Variants in ALK observed in about 807,000 individuals in gnomAD.
ALK encodes the protein ALK tyrosine kinase receptor.
In ALK, 74 loss-of-function variants were observed where a neutral mutation model predicts 163.1. The observed-to-expected ratio is 0.45, with a 90% CI of 0.38 to 0.55. The LOEUF (loss-of-function observed/expected upper bound fraction) is 0.55. ALK is among the 20% of genes least tolerant of loss of function. ALK has a pLI of 0.00. For synonymous variants in ALK, 960 were observed against 843.2 expected, an observed-to-expected ratio of 1.14 and a Z score of -2.40; for missense variants, 2,063 against 2,105.3, an observed-to-expected ratio of 0.98 and a Z score of 0.39.
chr2:29,778,418 T>C (rs1681238438), intron 1 of ALK, among the ~76,000 whole-genome samples: 1 of 152,180 alleles, frequency 6.6e-6, no homozygotes, highest in Admixed American at 6.5e-5. Flanking sequence ...TCGGTTCAAA[T>C]GCTAAATTTG....
intron 1 of ALK, chr2:29,891,061 T>C (rs1470894703): frequency 6.6e-6 from 1 of 152,204 alleles, no homozygotes; most frequent in Non-Finnish European, 1.5e-5. Flanking sequence ...CAAGGGGGTT[T>C]TGTGAGGATT....
At chr2:29,636,217 C>A (rs138033005) in intron 3 of ALK, among the ~76,000 whole-genome samples, 2 of 151,906 alleles carry the variant, frequency 1.3e-5, no homozygotes, top group Non-Finnish European at 1.5e-5. Flanking sequence ...CAGACACATA[C>A]AAATATGCCC....
At chr2:29,294,113 C>T (rs997966410) in intron 9 of ALK, among the ~76,000 whole-genome samples, 3 of 152,218 alleles carry the variant, frequency 2.0e-5, no homozygotes, top group Admixed American at 6.5e-5. Context: ...TACCGCCTAC[C>T]TCAGAGGTGG....
intron 1 of ALK, among the ~76,000 whole-genome samples, chr2:29,740,488 T>C (rs559906473): frequency 6.6e-6 from 1 of 152,272 alleles, no homozygotes; most frequent in South Asian, 2.1e-4. Flanking sequence ...TTTTGTTCTC[T>C]TATCTTTGGA....
intron 3 of ALK, among the ~76,000 whole-genome samples, chr2:29,672,796 G>C (rs972271740): frequency 1.7e-4 from 25 of 148,070 alleles, no homozygotes; most frequent in African/African-American, 5.0e-4. Context: ...CCCACCAACA[G>C]TGTAAAAGTG....
chr2:29,281,463 G>A (rs1293839674), intron 9 of ALK, among the ~76,000 whole-genome samples: 1 of 152,216 alleles, frequency 6.6e-6, no homozygotes, highest in Non-Finnish European at 1.5e-5. Context: ...CCAGTGCTTA[G>A]CAGCAGAGAT....
chr2:29,531,839 A>G lies in ALK; in HGVS notation c.1154+76T>C, dbSNP rs1048006097. On this transcript the variant is annotated intron_variant, in intron 4 of 28. Transcript: ENST00000389048. ...AATCATGAGTTTGTAAGTAGATGTCACAGACTCTGGAAATGTGTAACCAAA... is the reference window on the plus strand; with the variant it reads ...AATCATGAGTTTGTAAGTAGATGTCGCAGACTCTGGAAATGTGTAACCAAA... The G allele has an allele frequency of 8.8e-6, 13 of 1,470,552 alleles. No homozygotes were observed. The Admixed American group carries it at 1.8e-4, about 21-fold the overall frequency. The allele number at this position is 1,470,552 out of a possible 1,614,324, so 91.1% of individuals were successfully genotyped here. A position where few individuals can be genotyped will look rare whatever the true frequency, so the allele number is the denominator to read the frequency against.
At chr2:29,389,298 T>G (rs1462256487) in intron 4 of ALK, among the ~76,000 whole-genome samples, 1 of 152,142 alleles carries the variant, frequency 6.6e-6, no homozygotes, top group East Asian at 1.9e-4. Flanking sequence ...GAGGCCAAAG[T>G]GATGTCTCCA....
chr2:29,279,092 C>T (rs187344023), intron 9 of ALK, among the ~76,000 whole-genome samples: 1 of 152,264 alleles, frequency 6.6e-6, no homozygotes, highest in East Asian at 1.9e-4. Flanking sequence ...ATTAGATCTG[C>T]GAAGTCTCTC....
intron 26 of ALK, among the ~76,000 whole-genome samples, chr2:29,200,981 T>A (rs56283568): frequency 0.033 from 5,067 of 151,710 alleles, 124 homozygotes; most frequent in Non-Finnish European, 0.045. Context: ...AACATTTGAA[T>A]CGATGAAGAT....
At chr2:29,300,276 C>T (rs935524634) in intron 8 of ALK, among the ~76,000 whole-genome samples, 4 of 152,126 alleles carry the variant, frequency 2.6e-5, no homozygotes, top group East Asian at 3.9e-4. Context: ...TGGCCGGGCA[C>T]GGTGGCTCAC....
Position 29,705,091 on chromosome 2 carries a change from G to A in ALK, c.788-10077C>T, listed in dbSNP as rs555775981. ...AAATTAGCCAAGCGTGGTGGCTGGT[G>A]CCTGTAATCCCAGCTGCTCGGGAGG... On this transcript the variant is annotated intron_variant, in intron 2 of 28. Coordinates refer to ENST00000389048, the MANE Select transcript of ALK (RefSeq NM_004304.5). Among the ~76,000 whole-genome samples, 120 of 151,076 alleles carry A rather than the reference G, an allele frequency of 7.9e-4. 1 individual carries two copies. Among genetic ancestry groups the A allele is most frequent in the Non-Finnish European group, 5.9e-5 (4 of 67,702 alleles).
chr2:29,276,781 G>T (rs896936747), intron 9 of ALK, among the ~76,000 whole-genome samples: 16 of 152,294 alleles, frequency 1.1e-4, no homozygotes, highest in African/African-American at 3.9e-4. Context: ...GTCTAGAAAA[G>T]GTAAATCTGT....
intron 1 of ALK, among the ~76,000 whole-genome samples, chr2:29,896,548 T>C (rs1667275522): frequency 6.7e-6 from 1 of 150,022 alleles, no homozygotes; most frequent in Admixed American, 6.7e-5. Flanking sequence ...GACAGCCACC[T>C]GCAAATCAAG....
intron 3 of ALK, among the ~76,000 whole-genome samples, chr2:29,689,616 C>G (rs377004938): frequency 2.6e-5 from 4 of 152,156 alleles, no homozygotes; most frequent in African/African-American, 9.7e-5. Flanking sequence ...CCAACCCAGA[C>G]GCAGGGGGAG....
chr2:29,324,956 A>G (rs1667206551), intron 6 of ALK, among the ~76,000 whole-genome samples: 1 of 152,182 alleles, frequency 6.6e-6, no homozygotes. Flanking sequence ...ATCCTGGACA[A>G]CTGTTAGAAT....
intron 3 of ALK, among the ~76,000 whole-genome samples, chr2:29,593,959 T>C (rs1675132534): frequency 6.6e-6 from 1 of 152,202 alleles, no homozygotes; most frequent in Admixed American, 6.5e-5. Context: ...AATCAGTGCT[T>C]CTCACTGGGG....
At chr2:29,643,519 G>C (rs952036674) in intron 3 of ALK, among the ~76,000 whole-genome samples, 1 of 152,152 alleles carries the variant, frequency 6.6e-6, no homozygotes, top group Non-Finnish European at 1.5e-5. Flanking sequence ...GGAGGAAAAT[G>C]CTGGCTAAGA....
At chr2:29,637,852 A>T (rs1676584797) in intron 3 of ALK, among the ~76,000 whole-genome samples, 1 of 152,186 alleles carries the variant, frequency 6.6e-6, no homozygotes, top group Admixed American at 6.5e-5. Context: ...GGGAAATGAA[A>T]TCTATATTAT....
Sources: gnomAD v4.1 joint callset for allele counts (sites outside exome capture counted in the v4.1 genomes callset) on GRCh38, gnomAD v4.1.1 for gene constraint, MANE v1.5 for transcripts, NCBI Gene and HGNC (gene_info 2026-07-23, HGNC 2026-07-21) for gene names.